NARS2: variants seen among roughly 807,000 people sequenced by gnomAD.
NARS2 encodes asparaginyl-tRNA synthetase.
In NARS2, 60 loss-of-function variants were observed where a neutral mutation model predicts 62.9. The ratio of observed to expected loss-of-function variants is 0.95; its 90% CI spans 0.77 to 1.18. The LOEUF (loss-of-function observed/expected upper bound fraction) is 1.18, where lower values mean the gene tolerates loss of function less well. Ranked by LOEUF, NARS2 falls within the 50% of genes most tolerant of loss-of-function variation. The probability of loss-of-function intolerance (pLI) is 0.00; values close to 1 mark genes in which losing one functional copy is unlikely to be tolerated. For synonymous variants in NARS2, 196 were observed against 200.0 expected (o/e 0.98, Z 0.17); for missense variants, 619 against 576.4 (o/e 1.07, Z -0.76).
intron 5 of NARS2, chr11:78,558,691 C>T (rs1856452759): frequency 1.3e-5 from 2 of 152,098 alleles, no homozygotes; most frequent in Non-Finnish European, 2.9e-5. Flanking sequence ...GCAGTAAGGG[C>T]AGGCTGACAA....
chr11:78,535,667 T>C (rs982234592), intron 5 of NARS2, among the ~76,000 whole-genome samples: 1 of 152,108 alleles, frequency 6.6e-6, no homozygotes, highest in East Asian at 1.9e-4. Context: ...TTCACTCTTA[T>C]TGCCGAGGCT....
intron 6 of NARS2, among the ~76,000 whole-genome samples, chr11:78,515,436 T>C (rs1014150870): frequency 1.3e-5 from 2 of 152,174 alleles, no homozygotes; most frequent in African/African-American, 4.8e-5. Flanking sequence ...GAGTTTCTTT[T>C]TGGAGTGATA....
chr11:78,560,449 A>C (rs535203460), intron 4 of NARS2, among the ~76,000 whole-genome samples: 1 of 152,242 alleles, frequency 6.6e-6, no homozygotes, highest in Admixed American at 6.5e-5. Flanking sequence ...GGTTACACAC[A>C]ATGTAGATGT....
chr11:78,524,951 T>C (rs1312934397), intron 6 of NARS2, among the ~76,000 whole-genome samples: 1 of 152,130 alleles, frequency 6.6e-6, no homozygotes, highest in Non-Finnish European at 1.5e-5. Flanking sequence ...CAACAGAATA[T>C]TATTTAGCAC....
chr11:78,482,436 G>GA (rs572151473), intron 7 of NARS2, among the ~76,000 whole-genome samples: 76 of 151,744 alleles, frequency 5.0e-4, no homozygotes, highest in African/African-American at 1.8e-3. Context: ...AAAAACCCTT[G>GA]AAAAAAATCA....
intron 5 of NARS2, among the ~76,000 whole-genome samples, chr11:78,537,349 A>G (rs1369154540): frequency 6.6e-6 from 1 of 152,238 alleles, no homozygotes; most frequent in Non-Finnish European, 1.5e-5. Context: ...GACAGAGTAC[A>G]GATAGTACCA....
At chr11:78,504,024 C>G (rs1026841320) in intron 6 of NARS2, among the ~76,000 whole-genome samples, 2 of 152,198 alleles carry the variant, frequency 1.3e-5, no homozygotes, top group African/African-American at 4.8e-5. Context: ...CAAGTTACAG[C>G]CAACCCTCCA....
intron 1 of NARS2, among the ~76,000 whole-genome samples, chr11:78,572,080 G>A (rs1856947401): frequency 6.6e-6 from 1 of 152,128 alleles, no homozygotes; most frequent in South Asian, 2.1e-4. Flanking sequence ...TACTGGGGAG[G>A]CTGAGGCAGG....
chr11:78,510,615 C>T (rs568477892), intron 6 of NARS2, among the ~76,000 whole-genome samples: 2 of 152,224 alleles, frequency 1.3e-5, no homozygotes, highest in African/African-American at 4.8e-5. Flanking sequence ...CAAACATATA[C>T]AGAACACTCT....
intron 6 of NARS2, 68 bp from the exon 7 acceptor site, chr11:78,493,263 G>T: frequency 6.8e-7 from 1 of 1,468,696 alleles, no homozygotes. Flanking sequence ...TAAATATTCA[G>T]TGAGCTCTTA....
At chr11:78,509,112 G>GAA (rs201305584) in intron 6 of NARS2, among the ~76,000 whole-genome samples, 9 of 84,760 alleles carry the variant, frequency 1.1e-4, no homozygotes, top group South Asian at 7.4e-4. Context: ...CTTTAAAAAG[G>GAA]AAAAAAAAAA....
At chr11:78,526,329 T>C (rs1306829686) in intron 6 of NARS2, among the ~76,000 whole-genome samples, 1 of 152,150 alleles carries the variant, frequency 6.6e-6, no homozygotes, top group Non-Finnish European at 1.5e-5. Flanking sequence ...GCAACAGAGA[T>C]ATCCTTTTGG....
At chr11:78,509,080 G>A (rs1056083940) in intron 6 of NARS2, among the ~76,000 whole-genome samples, 2 of 150,886 alleles carry the variant, frequency 1.3e-5, no homozygotes, top group African/African-American at 4.9e-5. Flanking sequence ...ACTCCAGCCT[G>A]GGCAACAGAG....
rs1857053339 is a variant in NARS2 at position 78,574,481 on chromosome 11, C to G, written c.8G>C (p.Gly3Ala). The G allele has an allele frequency of 1.2e-6, 2 of 1,611,262 alleles. No individual in the cohort carries two copies. The highest frequency in any genetic ancestry group is 1.7e-5 in the Admixed American group (1 of 59,698). Residue 3 changes from glycine to alanine, a missense_variant, in exon 1 of 14, where the codon GGG becomes GCG. By Grantham distance (60) the Gly-to-Ala change is moderately conservative. Coordinates refer to ENST00000281038, the MANE Select transcript of NARS2 (RefSeq NM_024678.6). ...CACGGACCGCAGCAGGCAGCGGACCCCCAGCATCCCGCGTCCGCCCAGGCC... is the reference window on the plus strand; with the variant it reads ...CACGGACCGCAGCAGGCAGCGGACCGCCAGCATCCCGCGTCCGCCCAGGCC... Reference protein sequence around the residue: MLGVRCLLRSVRF... With the variant: MLAVRCLLRSVRF...
intron 5 of NARS2, among the ~76,000 whole-genome samples, chr11:78,539,208 G>A (rs114769028): frequency 0.011 from 1,636 of 151,790 alleles, 35 homozygotes; most frequent in African/African-American, 0.039. Context: ...AGGGATAAGA[G>A]TAGAAGTAGG....
At chr11:78,521,108 G>A (rs1041226653) in intron 6 of NARS2, among the ~76,000 whole-genome samples, 5 of 149,172 alleles carry the variant, frequency 3.4e-5, no homozygotes, top group South Asian at 2.1e-4. Context: ...AGAGGAAAAT[G>A]CAAAAGTAAG....
Position 78,436,527 on chromosome 11 carries a change from A to C in NARS2, c.*143T>G, listed in dbSNP as rs190672535. 1 of 1,025,306 alleles carries C rather than the reference A, an allele frequency of 9.8e-7. No individual in the cohort carries two copies. Among genetic ancestry groups the C allele is most frequent in the African/African-American group, 1.6e-5 (1 of 61,402 alleles). 63.5% of individuals were successfully genotyped at this position (1,025,306 alleles called of 1,614,324 possible). On this transcript the variant is annotated 3_prime_UTR_variant, in exon 14 of 14. Transcript: ENST00000281038. ...CTTTCTAAGAAAATCACAACCACTT[A>C]TATTTTTTCTATGATATCTTATGGC...
chr11:78,488,748 A>C (rs1859685413), intron 7 of NARS2, among the ~76,000 whole-genome samples: 2 of 152,226 alleles, frequency 1.3e-5, no homozygotes, highest in African/African-American at 2.4e-5. Context: ...AAGTGTTAAA[A>C]AAGTAGAATA....
chr11:78,516,215 A>G lies in NARS2; in HGVS notation c.689+12627T>C, dbSNP rs114188838. On this transcript the variant is annotated intron_variant, in intron 6 of 13. Transcript: ENST00000281038. ...ACATAAAAGTACAGAGACATCCCAG[A>G]GCCAAACACAAACAACATGTATTAG... Among the ~76,000 whole-genome samples the G allele has an allele frequency of 6.9e-3, 1,056 of 152,348 alleles. 14 individuals carry two copies. Among genetic ancestry groups the G allele is most frequent in the African/African-American group, 0.024 (1,000 of 41,584 alleles).
Sources: allele counts gnomAD v4.1 joint callset (sites outside exome capture counted in the v4.1 genomes callset), GRCh38; gene constraint gnomAD v4.1.1; transcripts MANE v1.5; gene names NCBI Gene and HGNC (gene_info 2026-07-23, HGNC 2026-07-21).